DOCK8: variants seen among roughly 807,000 people sequenced by gnomAD.
DOCK8 encodes dedicator of cytokinesis 8.
In DOCK8, 141 loss-of-function variants were observed where a neutral mutation model predicts 245.6. That is an observed-to-expected ratio of 0.57 (90% CI 0.50 to 0.66). The LOEUF (loss-of-function observed/expected upper bound fraction) is 0.66, where lower values mean the gene tolerates loss of function less well. Among genes scored for constraint, DOCK8 ranks in the 30% least tolerant of loss-of-function variants. The pLI is 0.00. For missense variants in DOCK8, 2,965 were observed against 2,603.4 expected, an observed-to-expected ratio of 1.14 and a Z score of -3.02; for synonymous variants, 1,168 against 970.2, an observed-to-expected ratio of 1.20 and a Z score of -3.79.
chr9:359,381 A>T (rs10972267), intron 14 of DOCK8, among the ~76,000 whole-genome samples: 1 of 151,894 alleles, frequency 6.6e-6, no homozygotes, highest in Non-Finnish European at 1.5e-5. Context: ...CAGTTTTATC[A>T]TCTTCTGAAT....
chr9:233,847 A>G (rs1230775826), intron 1 of DOCK8, among the ~76,000 whole-genome samples: 1 of 151,962 alleles, frequency 6.6e-6, no homozygotes, highest in Non-Finnish European at 1.5e-5. Context: ...TTGACTCTTT[A>G]TCCAATTTGC....
intron 1 of DOCK8, among the ~76,000 whole-genome samples, chr9:270,900 CAA>C (rs2048146116): frequency 6.6e-6 from 1 of 152,178 alleles, no homozygotes; most frequent in Non-Finnish European, 1.5e-5. Flanking sequence ...GAGTTCCAAA[CAA>C]ATGGCTAACA....
chr9:383,700 C>CAAAAAAAA (rs1164310899), intron 22 of DOCK8, among the ~76,000 whole-genome samples: 1 of 69,918 alleles, frequency 1.4e-5, no homozygotes, highest in African/African-American at 5.2e-5. Flanking sequence ...GACTCCGTCT[C>CAAAAAAAA]AAAAAAAAAA....
At chr9:461,286 G>C (rs1036762971) in intron 46 of DOCK8, among the ~76,000 whole-genome samples, 1 of 152,110 alleles carries the variant, frequency 6.6e-6, no homozygotes, top group African/African-American at 2.4e-5. Context: ...AAAATTACCA[G>C]CTGTTATCTC....
intron 1 of DOCK8, among the ~76,000 whole-genome samples, chr9:250,705 G>C (rs1281935047): frequency 6.6e-6 from 1 of 152,220 alleles, no homozygotes; most frequent in Non-Finnish European, 1.5e-5. Context: ...TCAAATAGTA[G>C]AGTTGATAGT....
chr9:316,956 G>A (rs1465164981), intron 6 of DOCK8, 87 bp from the exon 7 acceptor site: 4 of 1,045,736 alleles, frequency 3.8e-6, no homozygotes, highest in Non-Finnish European at 6.0e-6. Context: ...GAGCCGTGGA[G>A]GGTAGCCTTC....
At position 429,474 on chromosome 9, in the gene DOCK8, G is replaced by A. The variant is rs7861897; in HGVS notation, c.4474-228G>A. Among the ~76,000 whole-genome samples the A allele has an allele frequency of 0.37, 56,162 of 152,034 alleles. 10,918 individuals carry two copies. Among genetic ancestry groups the A allele is most frequent in the African/African-American group, 0.48 (19,975 of 41,468 alleles). On this transcript the variant is annotated intron_variant, in intron 35 of 47. Transcript: ENST00000432829. ...ATGCGACCTGGCTCACAGTGCAGTT[G>A]ATAACACAGCTCTGACCCTTTTAGC...
intron 23 of DOCK8, among the ~76,000 whole-genome samples, chr9:388,608 G>A (rs963256029): frequency 6.6e-6 from 1 of 151,250 alleles, no homozygotes; most frequent in African/African-American, 2.4e-5. Flanking sequence ...AGGCTGGAGT[G>A]CCGTGGTGCA....
intron 1 of DOCK8, among the ~76,000 whole-genome samples, chr9:243,874 C>A (rs537276601): frequency 2.6e-5 from 4 of 152,066 alleles, no homozygotes; most frequent in Non-Finnish European, 4.4e-5. Context: ...TACTCCTCAT[C>A]TTATTGACAT....
intron 4 of DOCK8, among the ~76,000 whole-genome samples, chr9:293,457 C>G (rs977043078): frequency 2.0e-5 from 3 of 152,162 alleles, no homozygotes; most frequent in Admixed American, 2.0e-4. Context: ...AGGAGAAGGA[C>G]AAGGAGAAGG....
chr9:285,577 A>G (rs2048788922), intron 2 of DOCK8, among the ~76,000 whole-genome samples: 2 of 152,186 alleles, frequency 1.3e-5, no homozygotes, highest in East Asian at 3.8e-4. Context: ...GGATTCTTTT[A>G]CTTTCTTAGG....
chr9:385,471 G>T (rs978082633), intron 22 of DOCK8, among the ~76,000 whole-genome samples: 1 of 152,176 alleles, frequency 6.6e-6, no homozygotes, highest in Admixed American at 6.5e-5. Flanking sequence ...GGTAAACCTA[G>T]TCCCTTCCTA....
chr9:281,843 C>T (rs557193861), intron 2 of DOCK8, among the ~76,000 whole-genome samples: 2 of 152,330 alleles, frequency 1.3e-5, no homozygotes, highest in South Asian at 2.1e-4. Flanking sequence ...CTAGTTTACA[C>T]CACATTTGGA....
intron 15 of DOCK8, chr9:370,021 T>G: frequency 1.7e-6 from 1 of 603,410 alleles, no homozygotes. Flanking sequence ...CAGGCTGGTC[T>G]CCAACTCCTG....
intron 46 of DOCK8, among the ~76,000 whole-genome samples, chr9:455,600 C>G (rs1191948672): frequency 6.6e-6 from 1 of 152,128 alleles, no homozygotes; most frequent in African/African-American, 2.4e-5. Context: ...CCAGGTGATG[C>G]TGCTGCTGCT....
chr9:307,143 A>G (rs1392490417), intron 5 of DOCK8, among the ~76,000 whole-genome samples: 4 of 152,014 alleles, frequency 2.6e-5, no homozygotes, highest in Non-Finnish European at 4.4e-5. Flanking sequence ...AGTGCTCCCT[A>G]TTGACAGAAC....
chr9:428,813 C>A (rs2056597570), intron 35 of DOCK8, among the ~76,000 whole-genome samples: 1 of 152,182 alleles, frequency 6.6e-6, no homozygotes, highest in Non-Finnish European at 1.5e-5. Context: ...CTCTGTAATA[C>A]CTCTGCTGAG....
intron 24 of DOCK8, among the ~76,000 whole-genome samples, chr9:392,785 G>A (rs1547216): frequency 0.36 from 54,650 of 151,864 alleles, 13,890 homozygotes; most frequent in African/African-American, 0.72. Context: ...TGGGCCATAA[G>A]ACCCATTCCC....
chr9:226,274 A>G (rs1052254727), intron 1 of DOCK8, among the ~76,000 whole-genome samples: 4 of 152,176 alleles, frequency 2.6e-5, no homozygotes, highest in African/African-American at 9.7e-5. Flanking sequence ...CTTATTCACT[A>G]TCATGAGAAT....
Sources: allele counts gnomAD v4.1 joint callset (sites outside exome capture counted in the v4.1 genomes callset), GRCh38; gene constraint gnomAD v4.1.1; transcripts MANE v1.5; gene names NCBI Gene and HGNC (gene_info 2026-07-23, HGNC 2026-07-21).